Variants in ST8SIA5 observed in about 807,000 individuals in gnomAD.
ST8SIA5 encodes ST8 alpha-N-acetyl-neuraminide alpha-2,8-sialyltransferase 5.
In ST8SIA5, 24 loss-of-function variants were observed where a neutral mutation model predicts 40.2. The ratio of observed to expected loss-of-function variants is 0.60; its 90% CI spans 0.43 to 0.84. The LOEUF is 0.84. Among genes scored for constraint, ST8SIA5 ranks in the 40% least tolerant of loss-of-function variants. ST8SIA5 has a pLI of 0.00. For synonymous variants in ST8SIA5, 198 were observed against 201.8 expected (o/e 0.98, Z 0.16); for missense variants, 465 against 498.5 (o/e 0.93, Z 0.64).
At chr18:46,688,263 T>C (rs2039467777) in intron 4 of ST8SIA5, among the ~76,000 whole-genome samples, 2 of 152,232 alleles carry the variant, frequency 1.3e-5, no homozygotes, top group Admixed American at 1.3e-4. Flanking sequence ...AGTTCTGTTA[T>C]AATCAGCCAA....
intron 1 of ST8SIA5, among the ~76,000 whole-genome samples, chr18:46,708,280 G>A (rs1296928860): frequency 6.6e-6 from 1 of 152,148 alleles, no homozygotes; most frequent in African/African-American, 2.4e-5. Context: ...CTCACTGTGT[G>A]CACTGGTGAC....
intron 5 of ST8SIA5, among the ~76,000 whole-genome samples, chr18:46,684,397 A>G (rs540111515): frequency 2.6e-5 from 4 of 152,354 alleles, no homozygotes; most frequent in African/African-American, 9.6e-5. Context: ...TTTCCTTATA[A>G]TAAAACTTAG....
At chr18:46,717,268 G>C (rs528036891) in intron 1 of ST8SIA5, among the ~76,000 whole-genome samples, 1 of 152,172 alleles carries the variant, frequency 6.6e-6, no homozygotes, top group East Asian at 1.9e-4. Context: ...GGCCATGCTC[G>C]GTGAGGGGTG....
intron 2 of ST8SIA5, among the ~76,000 whole-genome samples, chr18:46,699,626 G>A (rs574392245): frequency 7.9e-5 from 12 of 152,078 alleles, no homozygotes; most frequent in South Asian, 2.1e-4. Context: ...TGATCCACCC[G>A]CCTCGGCCTC....
intron 1 of ST8SIA5, among the ~76,000 whole-genome samples, chr18:46,734,400 T>TC (rs1179711938): frequency 1.6e-5 from 2 of 123,106 alleles, no homozygotes; most frequent in Non-Finnish European, 3.4e-5. Context: ...GTTCCCCACC[T>TC]CCCCCCACCC....
At chr18:46,710,427 C>CTGTCTTTTTCTT (rs1555695737) in intron 1 of ST8SIA5, among the ~76,000 whole-genome samples, 246 of 114,032 alleles carry the variant, frequency 2.2e-3, no homozygotes, top group Middle Eastern at 5.1e-3. Context: ...TTTTCTTTCT[C>CTGTCTTTTTCTT]TCTCTTTCTT....
chr18:46,718,963 A>G (rs2039822777), intron 1 of ST8SIA5, among the ~76,000 whole-genome samples: 1 of 152,154 alleles, frequency 6.6e-6, no homozygotes, highest in Admixed American at 6.5e-5. Flanking sequence ...AGCTGCTCAC[A>G]CGCCAGGGTA....
chr18:46,689,635 G>A (rs1270720378), intron 3 of ST8SIA5, among the ~76,000 whole-genome samples: 3 of 148,868 alleles, frequency 2.0e-5, no homozygotes, highest in Admixed American at 6.7e-5. Context: ...GTTCAATGGT[G>A]CGATCTCGGC....
Position 46,680,080 on chromosome 18 carries a change from T to C in ST8SIA5, c.1093A>G (p.Ile365Val), listed in dbSNP as rs1199650938. Reference sequence around the variant, plus strand: ...CAGGTGCCCGTGTGCACGCGGAGGATGCCTCGGCTGTGCAAGTGCAGGAAG... The same window carrying C: ...CAGGTGCCCGTGTGCACGCGGAGGACGCCTCGGCTGTGCAAGTGCAGGAAG... ...FNFLHLHSRG[I>V]LRVHTGTCSC... The change falls in exon 7 of 7, where the codon ATC becomes GTC. Residue 365 changes from isoleucine (I) to valine (V), a missense_variant. Physicochemically the swap from Ile to Val is conservative, Grantham distance 29. Coordinates refer to ENST00000315087, the MANE Select transcript of ST8SIA5 (RefSeq NM_013305.6). 1.2e-6 allele frequency: 2 copies of C among 1,613,712 alleles called. No individual in the cohort carries two copies. Among genetic ancestry groups the C allele is most frequent in the Non-Finnish European group, 8.5e-7 (1 of 1,179,854 alleles).
In ST8SIA5 at chr18:46,721,382, G is replaced by A. The variant is rs775941413; in HGVS notation, c.132-16718C>T. On this transcript the variant is annotated intron_variant, in intron 1 of 6. Transcript: ENST00000315087. ...TGTACCTGGAGCTGGAGTCACTGCC[G>A]CTCTGCACTGCTGGATCATCCGTGA... The A allele has an allele frequency of 1.1e-4, 173 of 1,535,982 alleles. 1 individual carries two copies. In the African/African-American group the frequency reaches 1.2e-3, roughly 11 times the overall value.
chr18:46,713,951 G>T (rs2039759609), intron 1 of ST8SIA5, among the ~76,000 whole-genome samples: 1 of 152,188 alleles, frequency 6.6e-6, no homozygotes, highest in Non-Finnish European at 1.5e-5. Flanking sequence ...GGGGCAAGTG[G>T]AGAGGATGGG....
At chr18:46,749,399 C>T (rs1038826666) in intron 1 of ST8SIA5, among the ~76,000 whole-genome samples, 5 of 151,986 alleles carry the variant, frequency 3.3e-5, no homozygotes, top group East Asian at 1.9e-4. Flanking sequence ...AAGAAGAAAA[C>T]GATGAGGACT....
chr18:46,699,929 C>T (rs650329), intron 2 of ST8SIA5, among the ~76,000 whole-genome samples: 50,435 of 152,054 alleles, frequency 0.33, 8,716 homozygotes, highest in Middle Eastern at 0.45. Flanking sequence ...TGCTCCCAGC[C>T]TCTTTCTTGG....
At chr18:46,703,207 G>A (rs1175740873) in intron 2 of ST8SIA5, among the ~76,000 whole-genome samples, 4 of 152,162 alleles carry the variant, frequency 2.6e-5, no homozygotes, top group African/African-American at 4.8e-5. Flanking sequence ...GTGCAGTGAC[G>A]TGATCTCGGC....
intron 1 of ST8SIA5, among the ~76,000 whole-genome samples, chr18:46,743,292 T>C (rs915680275): frequency 1.3e-5 from 2 of 151,974 alleles, no homozygotes; most frequent in Admixed American, 6.6e-5. Context: ...TTCTAACCCA[T>C]CACAAGGAAG....
At chr18:46,686,494 T>G (rs2039449436) in intron 4 of ST8SIA5, among the ~76,000 whole-genome samples, 1 of 152,136 alleles carries the variant, frequency 6.6e-6, no homozygotes, top group Non-Finnish European at 1.5e-5. Flanking sequence ...CAAAGGCCAC[T>G]CCCATCCCTG....
At chr18:46,711,500 C>T (rs1175236400) in intron 1 of ST8SIA5, among the ~76,000 whole-genome samples, 1 of 152,210 alleles carries the variant, frequency 6.6e-6, no homozygotes, top group African/African-American at 2.4e-5. Context: ...CTCTCCCTGA[C>T]TCTGACAGCC....
At chr18:46,684,279 A>G (rs994938117) in intron 5 of ST8SIA5, among the ~76,000 whole-genome samples, 1 of 152,214 alleles carries the variant, frequency 6.6e-6, no homozygotes, top group Non-Finnish European at 1.5e-5. Context: ...CCAGAAGTGT[A>G]TCCCATTTCT....
rs1334983687 is a variant in ST8SIA5 at position 46,673,176 on chromosome 18, T to C, written c.*6866A>G. ...ACAACAGTGTGAATGTACTTACCATTACTGAACTGTACACTTAAAAATGGT... is the reference window on the plus strand; with the variant it reads ...ACAACAGTGTGAATGTACTTACCATCACTGAACTGTACACTTAAAAATGGT... On this transcript the variant is annotated 3_prime_UTR_variant, in exon 7 of 7. Coordinates refer to ENST00000315087, the MANE Select transcript of ST8SIA5 (RefSeq NM_013305.6). 1 of 152,212 alleles carries C rather than the reference T, an allele frequency of 6.6e-6. No individual in the cohort carries two copies. Among genetic ancestry groups the C allele is most frequent in the African/African-American group, 2.4e-5 (1 of 41,452 alleles). The allele number at this position is 152,212 out of a possible 1,614,324, so 9.4% of individuals were successfully genotyped here. A position where few individuals can be genotyped will look rare whatever the true frequency, so the allele number is the denominator to read the frequency against.
Sources: allele counts gnomAD v4.1 joint callset (sites outside exome capture counted in the v4.1 genomes callset), GRCh38; gene constraint gnomAD v4.1.1; transcripts MANE v1.5; gene names NCBI Gene and HGNC (gene_info 2026-07-23, HGNC 2026-07-21).